DCTN1: variants seen among roughly 807,000 people sequenced by gnomAD.
The protein encoded by DCTN1 is dynactin subunit 1, also known as 150 kDa dynein-associated polypeptide.
In DCTN1, 61 loss-of-function variants were observed where a neutral mutation model predicts 161.2. The observed-to-expected ratio is 0.38, with a 90% CI of 0.31 to 0.47. The LOEUF is 0.47. Ranked by LOEUF, DCTN1 falls within the 20% of genes least tolerant of loss-of-function variation. DCTN1 has a pLI of 0.99. For missense variants in DCTN1, 1,404 were observed against 1,623.7 expected (o/e 0.86, Z 2.33); for synonymous variants, 653 against 632.4 (o/e 1.03, Z -0.49).
intron 6 of DCTN1, 194 bp from the exon 7 acceptor site, chr2:74,373,142 A>G: frequency 1.5e-6 from 1 of 663,260 alleles, no homozygotes; most frequent in South Asian, 1.6e-5. Flanking sequence ...GGAACCCAGA[A>G]TTCCTGTTCC....
At chr2:74,362,910 G>C (rs543046207) in intron 29 of DCTN1, 84 bp downstream of exon 29, 114 of 1,498,876 alleles carry the variant, frequency 7.6e-5, no homozygotes, top group East Asian at 4.0e-4. Context: ...TTCTGTGGTG[G>C]GGGAACCACC....
chr2:74,362,207 G>A (rs930167900), intron 30 of DCTN1, 66 bp from the exon 31 acceptor site: 33 of 1,472,966 alleles, frequency 2.2e-5, no homozygotes, highest in African/African-American at 5.6e-5. Flanking sequence ...ACAAGACCAC[G>A]TGGTTTCACA....
rs1675332883 is a variant in DCTN1, at chr2:74,378,138, A to C, written c.141T>G (p.Val47=). 2.5e-6 allele frequency: 4 copies of C among 1,614,270 alleles called. No individual in the cohort carries two copies. The highest frequency in any genetic ancestry group is 1.6e-4 in the Middle Eastern group (1 of 6,062). ...TGCCAGTGGCAAACAGTGTGGCTCC[A>C]ACATAGGCCACAGTGCCTCGGTGGC... The part of the protein sequence containing the change: ...GKGHRGTVAY[V]GATLFATGKW... Residue 47 remains valine (V), a synonymous_variant, in exon 2 of 32, where the codon GTT becomes GTG. Coordinates refer to ENST00000628224, the MANE Select transcript of DCTN1 (RefSeq NM_004082.5).
At chr2:74,377,309 T>G (rs542060989) in intron 4 of DCTN1, 123 bp downstream of exon 4, 2 of 842,366 alleles carry the variant, frequency 2.4e-6, no homozygotes, top group East Asian at 2.4e-5. Flanking sequence ...CTTAGGGAAG[T>G]TGGAGAGACT....
At chr2:74,365,820 C>G in intron 24 of DCTN1, 73 bp downstream of exon 24, 2 of 1,613,678 alleles carry the variant, frequency 1.2e-6, no homozygotes, top group South Asian at 1.1e-5. Flanking sequence ...TGGTCCCGAT[C>G]CCCAACACTC....
chr2:74,377,412 C>G lies in DCTN1; in HGVS notation c.393+20G>C, dbSNP rs760856407. ...TCCCCTCCCTTTATTATTCCCCATT[C>G]CCACCCCCAAATCACTCACCAGTTT... is the stretch of plus-strand genomic sequence containing the variant. On this transcript the variant is annotated intron_variant, in intron 4 of 31. Transcript: ENST00000628224. 6.2e-7 allele frequency: 1 copy of G among 1,608,768 alleles called. No homozygotes were observed. The highest frequency in any genetic ancestry group is 1.7e-5 in the Admixed American group (1 of 60,024).
chr2:74,371,071 G>A lies in DCTN1; in HGVS notation c.751C>T (p.His251Tyr). 1 of 1,614,208 alleles carries A rather than the reference G, an allele frequency of 6.2e-7. No homozygotes were observed. The highest frequency in any genetic ancestry group is 1.6e-4 in the Middle Eastern group (1 of 6,062). The part of the protein sequence containing the change: ...DKAKLKELEK[H>Y]KIQLEQVQEW... ...TGCACCTGCTCCAGCTGGATTTTGT[G>A]TTTCTCCAGCTCTTTTAGCTTTGCT... The change falls in exon 9 of 32, where the codon CAC (histidine) becomes TAC (tyrosine). Residue 251 changes from histidine (H) to tyrosine (Y), a missense_variant. Physicochemically the swap from His to Tyr is moderately conservative, Grantham distance 83. Transcript: ENST00000628224.
Position 74,361,375 on chromosome 2 carries a change from G to C in DCTN1, c.*124C>G. The C allele has an allele frequency of 2.9e-6, 4 of 1,389,736 alleles. No homozygotes were observed. Among genetic ancestry groups the C allele is most frequent in the Non-Finnish European group, 4.0e-6 (4 of 1,002,032 alleles). 86.1% of individuals were successfully genotyped at this position (1,389,736 alleles called of 1,614,324 possible). Reference sequence around the variant, plus strand: ...AGGACGCTGAAAGGGTGGGAGTGAAGCTGAACGGGGCAGGAAGAGCTTAAC... The same window carrying C: ...AGGACGCTGAAAGGGTGGGAGTGAACCTGAACGGGGCAGGAAGAGCTTAAC... On this transcript the variant is annotated 3_prime_UTR_variant, in exon 32 of 32. Coordinates refer to ENST00000628224, the MANE Select transcript of DCTN1 (RefSeq NM_004082.5).
intron 26 of DCTN1, 176 bp from the exon 27 acceptor site, chr2:74,363,804 G>T: frequency 1.2e-6 from 1 of 838,218 alleles, no homozygotes; most frequent in Non-Finnish European, 2.0e-6. Flanking sequence ...GGGACGAGCA[G>T]ATAAGTGTTA....
intron 29 of DCTN1, 57 bp downstream of exon 29, chr2:74,362,937 C>A (rs1674121359): frequency 1.3e-6 from 2 of 1,588,510 alleles, no homozygotes; most frequent in African/African-American, 2.7e-5. Flanking sequence ...GGGGCTAAAT[C>A]CCTGGGCCAA....
At chr2:74,363,666 G>T in intron 26 of DCTN1, 38 bp from the exon 27 acceptor site, 1 of 1,612,648 alleles carries the variant, frequency 6.2e-7, no homozygotes, top group Non-Finnish European at 8.5e-7. Context: ...CAGGAAAAGA[G>T]GAGAGAGGAG....
chr2:74,367,864 A>T lies in DCTN1; in HGVS notation c.2016T>A (p.His672Gln). Residue 672 changes from histidine to glutamine, a missense_variant and splice_region_variant, in exon 18 of 32, where the codon CAT becomes CAA. His to Gln is a conservative substitution (Grantham distance 24, BLOSUM62 0). This residue lies in a region of DCTN1 where 475 missense variants were observed against 489.8 expected (regional missense o/e 0.97). Coordinates refer to ENST00000628224, the MANE Select transcript of DCTN1 (RefSeq NM_004082.5). The stretch of plus-strand genomic sequence containing the variant: ...CATCCACACTGCACTGAGAGAGGGC[A>T]CTAGAGACCAGAGAAGGGCACTGTG... ...LLQATLHRYEHALSQCSVDVY... is the reference protein window; with the variant it reads ...LLQATLHRYEQALSQCSVDVY... The T allele has an allele frequency of 1.9e-6, 3 of 1,614,212 alleles. No homozygotes were observed. The highest frequency in any genetic ancestry group is 2.5e-6 in the Non-Finnish European group (3 of 1,180,038).
At position 74,369,364 on chromosome 2, in the gene DCTN1, T is replaced by C. The variant is rs1159348435; in HGVS notation, c.1520A>G (p.Gln507Arg). The C allele has an allele frequency of 6.2e-7, 1 of 1,614,084 alleles. No homozygotes were observed. Among genetic ancestry groups the C allele is most frequent in the Non-Finnish European group, 8.5e-7 (1 of 1,180,036 alleles). ...REAQKRVEAA[Q>R]ETVADYQQTI... ...CTGCTGGTAGTCTGCAACCGTCTCC[T>C]GGGCTGCCTCCACACGCTTCTGGGC... Residue 507 changes from glutamine (Q) to arginine (R), a missense_variant, in exon 14 of 32, where the codon CAG becomes CGG. Gln to Arg is a conservative substitution (Grantham distance 43). This residue lies in a region of DCTN1 where 278 missense variants were observed against 363.8 expected (regional missense o/e 0.76). Transcript: ENST00000628224. The surrounding 1 kb of genome is among the most constrained non-coding windows in gnomAD (Gnocchi z 4.9).
rs1365948671 is a variant in DCTN1 at position 74,371,643 on chromosome 2, C to T, written c.539G>A (p.Ser180Asn). 1 of 1,594,540 alleles carries T rather than the reference C, an allele frequency of 6.3e-7. No individual in the cohort carries two copies. The highest frequency in any genetic ancestry group is 1.8e-4 in the Middle Eastern group (1 of 5,468). The stretch of plus-strand genomic sequence containing the variant: ...CTGAGCCGGGGTGCTGGGCTCACTG[C>T]TGCTCAGCTCACCTGCTGACGCTGA... ...SGSASAGELS[S>N]SEPSTPAQTP... The change falls in exon 8 of 32, where the codon AGC (serine) becomes AAC (asparagine). Residue 180 changes from serine to asparagine, a missense_variant. Transcript: ENST00000628224.
At chr2:74,389,919 C>G (rs1675917255) in intron 1 of DCTN1, among the ~76,000 whole-genome samples, 1 of 152,178 alleles carries the variant, frequency 6.6e-6, no homozygotes, top group African/African-American at 2.4e-5. Context: ...CTAGTTCCAA[C>G]CACCTTATAC....
At chr2:74,363,690 G>C (rs1243512617) in intron 26 of DCTN1, 62 bp from the exon 27 acceptor site, 7 of 1,604,916 alleles carry the variant, frequency 4.4e-6, no homozygotes, top group South Asian at 1.1e-5. Context: ...GGTGATTTGG[G>C]GGTTACGGGG....
intron 26 of DCTN1, chr2:74,364,734 C>G (rs1674273578): frequency 5.2e-6 from 2 of 387,206 alleles, no homozygotes; most frequent in Non-Finnish European, 9.8e-6. Context: ...CCAGGAGAGT[C>G]AGCCCAGCCT....
intron 16 of DCTN1, 37 bp downstream of exon 16, chr2:74,368,691 C>T: frequency 6.2e-7 from 1 of 1,614,226 alleles, no homozygotes; most frequent in Middle Eastern, 1.6e-4. Flanking sequence ...GGCAAGTTCA[C>T]TAGATTTCTG....
At chr2:74,363,516 C>A in intron 27 of DCTN1, 89 bp from the exon 28 acceptor site, 1 of 1,596,518 alleles carries the variant, frequency 6.3e-7, no homozygotes. Flanking sequence ...TCCTCATCCC[C>A]CCATCACCCA....
Sources: gnomAD v4.1 joint callset for allele counts (sites outside exome capture counted in the v4.1 genomes callset) on GRCh38, gnomAD v4.1.1 for gene constraint, gnomAD v4.1.1 regional missense constraint, Gnocchi (gnomAD v3.1) non-coding constraint, MANE v1.5 for transcripts, NCBI Gene and HGNC (gene_info 2026-07-23, HGNC 2026-07-21) for gene names.